DNAH6: variants seen among roughly 807,000 people sequenced by gnomAD.
The protein encoded by DNAH6 is axonemal beta dynein heavy chain 6.
In DNAH6, 340 loss-of-function variants were observed where a neutral mutation model predicts 491.4. That is an observed-to-expected ratio of 0.69 (90% CI 0.63 to 0.76). The LOEUF (loss-of-function observed/expected upper bound fraction) is 0.76, where lower values mean the gene tolerates loss of function less well. Ranked by LOEUF, DNAH6 falls within the 30% of genes least tolerant of loss-of-function variation. The pLI is 0.00. For synonymous variants in DNAH6, 1,603 were observed against 1,686.1 expected, an observed-to-expected ratio of 0.95 and a Z score of 1.21; for missense variants, 4,443 against 4,972.2, an observed-to-expected ratio of 0.89 and a Z score of 3.20.
chr2:84,714,975 G>A (rs1480359650), intron 57 of DNAH6, among the ~76,000 whole-genome samples: 2 of 151,358 alleles, frequency 1.3e-5, no homozygotes, highest in East Asian at 2.0e-4. Flanking sequence ...TTGACTTATC[G>A]AGTGATGTCA....
chr2:84,489,227 A>G, the DNAH6 span, among the ~76,000 whole-genome samples: 1 of 152,112 alleles, frequency 6.6e-6, no homozygotes, highest in African/African-American at 2.4e-5. Flanking sequence ...TAATTGAATA[A>G]TTGCTACCTG....
At chr2:84,721,922 G>A (rs560472323) in intron 59 of DNAH6, among the ~76,000 whole-genome samples, 27 of 152,306 alleles carry the variant, frequency 1.8e-4, no homozygotes, top group African/African-American at 6.5e-4. Flanking sequence ...GGAAGAGAGA[G>A]GAGGCAGGGG....
At chr2:84,634,830 C>T (rs1688724699) in intron 30 of DNAH6, among the ~76,000 whole-genome samples, 189 bp downstream of exon 30, 1 of 152,186 alleles carries the variant, frequency 6.6e-6, no homozygotes, top group African/African-American at 2.4e-5. Context: ...GATGAAGACA[C>T]TGAGTGGTCC....
intron 2 of DNAH6, among the ~76,000 whole-genome samples, chr2:84,520,488 TG>T (rs1387750843): frequency 6.6e-6 from 1 of 152,104 alleles, no homozygotes; most frequent in Non-Finnish European, 1.5e-5. Context: ...ACTGAGGTCA[TG>T]GGGGTTTGTT....
At position 84,718,286 on chromosome 2, in the gene DNAH6, T is replaced by C; in HGVS notation, c.9694T>C (p.Leu3232=). ...GAGGATCAACACTGATAAAAACCAG[T>C]TGAAAACTATCGAAGAGAAAATCCT... ...IVRINTDKNQ[L]KTIEEKILRM... Residue 3232 remains leucine (L), a synonymous_variant, in exon 59 of 77, where the codon TTG becomes CTG. Transcript: ENST00000389394. The C allele has an allele frequency of 6.4e-7, 1 of 1,551,420 alleles. No homozygotes were observed. The highest frequency in any genetic ancestry group is 8.7e-7 in the Non-Finnish European group (1 of 1,146,874).
intron 70 of DNAH6, 148 bp from the exon 71 acceptor site, chr2:84,805,517 T>G: frequency 1.5e-6 from 1 of 663,694 alleles, no homozygotes; most frequent in Non-Finnish European, 2.3e-6. Context: ...GATCTCATGT[T>G]AATTGTTCTT....
the DNAH6 span, among the ~76,000 whole-genome samples, chr2:84,510,308 G>T: frequency 6.6e-6 from 1 of 151,834 alleles, no homozygotes; most frequent in Non-Finnish European, 1.5e-5. Flanking sequence ...TTCTCTTCTC[G>T]CTTCATTTCA....
chr2:84,624,621 G>A lies in DNAH6; in HGVS notation c.4353+1G>A. On this transcript the variant is annotated splice_donor_variant, in intron 28 of 76. Coordinates refer to ENST00000389394, the MANE Select transcript of DNAH6 (RefSeq NM_001370.2). LOFTEE classifies it high-confidence loss of function. ...AAGATTGGTTATTACTCCACTCACA[G>A]TAAGTTATTGATCACTTGGGTTAAT... 6.4e-7 allele frequency: 1 copy of A among 1,550,974 alleles called. No individual in the cohort carries two copies. Among genetic ancestry groups the A allele is most frequent in the Non-Finnish European group, 8.7e-7 (1 of 1,146,688 alleles).
intron 13 of DNAH6, 80 bp downstream of exon 13, chr2:84,577,488 T>A (rs1040335981): frequency 8.7e-6 from 9 of 1,038,362 alleles, no homozygotes; most frequent in Non-Finnish European, 1.2e-5. Context: ...AACCTAGTAT[T>A]TATTTTATAG....
At chr2:84,701,404 G>A (rs1695888757) in intron 49 of DNAH6, 65 bp downstream of exon 49, 1 of 1,492,200 alleles carries the variant, frequency 6.7e-7, no homozygotes, top group Non-Finnish European at 9.0e-7. Flanking sequence ...AGAATGCATG[G>A]AAACTCTATG....
chr2:84,814,247 G>A (rs1386636108), intron 75 of DNAH6, 125 bp downstream of exon 75: 1 of 950,646 alleles, frequency 1.1e-6, no homozygotes, highest in Admixed American at 2.8e-5. Flanking sequence ...GGGCAGGGTA[G>A]TAATCACACC....
chr2:84,710,042 A>G (rs571999863), intron 55 of DNAH6, among the ~76,000 whole-genome samples: 3 of 152,350 alleles, frequency 2.0e-5, no homozygotes, highest in African/African-American at 7.2e-5. Context: ...CATGAATACC[A>G]TAAGCATGAA....
intron 13 of DNAH6, 96 bp downstream of exon 13, chr2:84,577,504 C>G: frequency 2.3e-6 from 2 of 875,634 alleles, no homozygotes; most frequent in Non-Finnish European, 3.2e-6. Flanking sequence ...TATAGTATTG[C>G]AAATATAAAA....
intron 64 of DNAH6, among the ~76,000 whole-genome samples, chr2:84,768,392 T>C (rs1352954212): frequency 6.6e-6 from 1 of 151,824 alleles, no homozygotes; most frequent in Non-Finnish European, 1.5e-5. Flanking sequence ...AATAAGGGAA[T>C]ATCATTGCAG....
intron 11 of DNAH6, among the ~76,000 whole-genome samples, chr2:84,568,951 C>CA (rs1012139841): frequency 1.3e-5 from 2 of 152,034 alleles, no homozygotes; most frequent in Non-Finnish European, 2.9e-5. Context: ...TGTGGGAATG[C>CA]AAAAAATAAA....
At chr2:84,729,745 A>G (rs1173392076) in intron 61 of DNAH6, among the ~76,000 whole-genome samples, 2 of 152,228 alleles carry the variant, frequency 1.3e-5, no homozygotes, top group Non-Finnish European at 2.9e-5. Context: ...TCATGAGGAA[A>G]TTGGAATGAT....
intron 11 of DNAH6, among the ~76,000 whole-genome samples, chr2:84,565,350 T>A (rs1044622574): frequency 1.5e-4 from 22 of 151,700 alleles, no homozygotes; most frequent in Non-Finnish European, 2.2e-4. Context: ...GTAGTTTTTT[T>A]ATATTATTTA....
intron 74 of DNAH6, 119 bp downstream of exon 74, chr2:84,813,249 T>C (rs1242061236): frequency 2.7e-6 from 2 of 731,968 alleles, no homozygotes; most frequent in East Asian, 2.7e-5. Flanking sequence ...CTATTGATCA[T>C]AGGGCAATCT....
chr2:84,526,005 A>G (rs1383334248), intron 3 of DNAH6, among the ~76,000 whole-genome samples: 1 of 152,154 alleles, frequency 6.6e-6, no homozygotes, highest in African/African-American at 2.4e-5. Context: ...TTTGAATGTT[A>G]TTATAACTTT....
Sources: gnomAD v4.1 joint callset for allele counts (sites outside exome capture counted in the v4.1 genomes callset) on GRCh38, gnomAD v4.1.1 for gene constraint, MANE v1.5 for transcripts, NCBI Gene and HGNC (gene_info 2026-07-23, HGNC 2026-07-21) for gene names.